The following FANCI variants were observed in gnomAD, a reference collection of about 807,000 sequenced individuals.
The protein encoded by FANCI is FA complementation group I.
A neutral mutation model predicts 176.1 loss-of-function variants in FANCI; 156 were observed. The ratio of observed to expected loss-of-function variants is 0.89; its 90% CI spans 0.78 to 1.01. FANCI has a LOEUF of 1.01. Ranked by LOEUF, FANCI falls within the 50% of genes least tolerant of loss-of-function variation. FANCI has a pLI of 0.00. For synonymous variants in FANCI, 613 were observed against 541.7 expected (o/e 1.13, Z -1.83); for missense variants, 1,678 against 1,534.1 (o/e 1.09, Z -1.57).
At chr15:89,287,314 C>G (rs141197518) in intron 18 of FANCI, among the ~76,000 whole-genome samples, 328 of 152,262 alleles carry the variant, frequency 2.2e-3, no homozygotes, top group African/African-American at 7.6e-3. Flanking sequence ...TTTCCTTAAA[C>G]CTCATGAACC....
intron 16 of FANCI, chr15:89,282,148 G>T: frequency 5.3e-6 from 2 of 376,830 alleles, no homozygotes; most frequent in Non-Finnish European, 1.0e-5. Context: ...TTCAAAGTCA[G>T]GTCTAACATC....
chr15:89,301,164 T>G (rs747099655), intron 26 of FANCI, among the ~76,000 whole-genome samples, 162 bp from the exon 27 acceptor site: 1 of 152,234 alleles, frequency 6.6e-6, no homozygotes, highest in Non-Finnish European at 1.5e-5. Flanking sequence ...CTTAGGAAAC[T>G]ACTGCTCAAT....
chr15:89,306,178 C>T lies in FANCI; in HGVS notation c.3521C>T (p.Thr1174Ile), dbSNP rs757106031. Residue 1174 changes from threonine to isoleucine, a missense_variant, in exon 32 of 38, where the codon ACA (threonine) becomes ATA (isoleucine). Transcript: ENST00000310775. The part of the protein sequence containing the change: ...KDLCKMYTTL[T>I]ALVRYYLQVC... ...TTGTGCAAAATGTACACCACACTTA[C>T]AGCCCTTGTCAGATATGTGAGTATT... 1.9e-6 allele frequency: 3 copies of T among 1,614,178 alleles called. No homozygotes were observed. The highest frequency in any genetic ancestry group is 2.5e-6 in the Non-Finnish European group (3 of 1,180,010).
intron 24 of FANCI, among the ~76,000 whole-genome samples, chr15:89,296,599 T>C (rs2054284826): frequency 1.3e-5 from 2 of 152,320 alleles, no homozygotes; most frequent in African/African-American, 4.8e-5. Flanking sequence ...TACTTCTTTC[T>C]ACATAGACAT....
chr15:89,300,394 C>T lies in FANCI; in HGVS notation c.2889+9C>T. ...AGATCCGGCAATTTCAGGTGAGAAG[C>T]CTTGCAAAGCTGCTGTACTGGCCTG... On this transcript the variant is annotated intron_variant, in intron 26 of 37. Transcript: ENST00000310775. The T allele has an allele frequency of 1.9e-6, 3 of 1,612,078 alleles. No individual in the cohort carries two copies. The highest frequency in any genetic ancestry group is 1.1e-5 in the South Asian group (1 of 91,010).
chr15:89,262,464 A>T (rs1234775298), intron 6 of FANCI, among the ~76,000 whole-genome samples: 1 of 152,188 alleles, frequency 6.6e-6, no homozygotes, highest in Non-Finnish European at 1.5e-5. Context: ...CATGACATTT[A>T]TACCTATTAA....
chr15:89,261,568 A>C lies in FANCI; in HGVS notation c.289-17A>C. 6.2e-7 allele frequency: 1 copy of C among 1,613,972 alleles called. No individual in the cohort carries two copies. The highest frequency in any genetic ancestry group is 8.5e-7 in the Non-Finnish European group (1 of 1,179,942). On this transcript the variant is annotated splice_polypyrimidine_tract_variant and intron_variant, in intron 4 of 37. Coordinates refer to ENST00000310775, the MANE Select transcript of FANCI (RefSeq NM_001113378.2). ...TGGATTTCTGCTTGAGATTTCCTTT[A>C]TCCTGTGAACTTTTAGGCTCACCAT... is the stretch of plus-strand genomic sequence containing the variant.
At chr15:89,286,830 C>T (rs2053834124) in intron 18 of FANCI, among the ~76,000 whole-genome samples, 1 of 152,156 alleles carries the variant, frequency 6.6e-6, no homozygotes, top group Admixed American at 6.5e-5. Flanking sequence ...AGGCAAGTCC[C>T]AGATAAAGTC....
intron 35 of FANCI, among the ~76,000 whole-genome samples, chr15:89,313,973 TCACACACACACACACA>T (rs139859584): frequency 1.2e-4 from 12 of 98,284 alleles, no homozygotes; most frequent in African/African-American, 2.1e-4. Flanking sequence ...AGATATATAA[TCACACACACACACACA>T]CACACACACA....
chr15:89,266,549 G>A (rs553865696), intron 9 of FANCI, among the ~76,000 whole-genome samples: 15 of 151,912 alleles, frequency 9.9e-5, no homozygotes, highest in African/African-American at 2.4e-4. Flanking sequence ...GGCTGGTCTC[G>A]AACTCCTGAC....
At chr15:89,303,256 A>G (rs2054591079) in intron 27 of FANCI, among the ~76,000 whole-genome samples, 1 of 152,222 alleles carries the variant, frequency 6.6e-6, no homozygotes. Flanking sequence ...ACTTAAGTAT[A>G]ACGGCATTTC....
chr15:89,284,603 A>G lies in FANCI; in HGVS notation c.1699-493A>G, dbSNP rs142755950. Among the ~76,000 whole-genome samples the G allele has an allele frequency of 4.8e-4, 73 of 152,306 alleles. 1 individual carries two copies. Among genetic ancestry groups the G allele is most frequent in the African/African-American group, 1.7e-3 (71 of 41,572 alleles). ...CATTACTGTGATGCCTGGAGTAAGG[A>G]TTAGGAATTCTTGGTCTATAATTGC... On this transcript the variant is annotated intron_variant, in intron 17 of 37. Coordinates refer to ENST00000310775, the MANE Select transcript of FANCI (RefSeq NM_001113378.2).
rs760202555 is a variant in FANCI, at chr15:89,305,674, C to T, written c.3325C>T (p.Gln1109Ter). ...CTGGCTAATCACCAAGCTTAAGGGA[C>T]AAGTGAGCCAAGAAACCTTATCAGG... ...VDWLITKLKG[Q>*]VSQETLSEEA... Residue 1109 changes from glutamine to a stop codon, truncating the protein, a stop_gained, in exon 31 of 38, where the codon CAA becomes TAA. Transcript: ENST00000310775. LOFTEE classifies it high-confidence loss of function. 3 of 1,614,144 alleles carry T rather than the reference C, an allele frequency of 1.9e-6. No individual in the cohort carries two copies. Among genetic ancestry groups the T allele is most frequent in the East Asian group, 2.2e-5 (1 of 44,880 alleles).
At chr15:89,255,397 A>G (rs1322656824) in intron 2 of FANCI, among the ~76,000 whole-genome samples, 1 of 152,196 alleles carries the variant, frequency 6.6e-6, no homozygotes, top group African/African-American at 2.4e-5. Context: ...TTACAGGAAG[A>G]AAATTAGATG....
chr15:89,263,745 A>C (rs566905315), intron 7 of FANCI, among the ~76,000 whole-genome samples, 158 bp from the exon 8 acceptor site: 2 of 152,250 alleles, frequency 1.3e-5, no homozygotes, highest in Non-Finnish European at 2.9e-5. Flanking sequence ...CAAAAGGGAC[A>C]GTTATAATAA....
chr15:89,264,050 C>G (rs1156235336), intron 8 of FANCI, 24 bp downstream of exon 8: 1 of 1,613,690 alleles, frequency 6.2e-7, no homozygotes, highest in Non-Finnish European at 8.5e-7. Context: ...ATTGTTTCTC[C>G]TTAGTTCTGG....
chr15:89,312,775 C>T (rs940677667), intron 34 of FANCI, 129 bp from the exon 35 acceptor site: 36 of 709,098 alleles, frequency 5.1e-5, no homozygotes, highest in Admixed American at 2.4e-4. Flanking sequence ...GTCGACATCA[C>T]GCCACTGCAC....
chr15:89,276,305 T>C (rs2053409273), intron 12 of FANCI, among the ~76,000 whole-genome samples: 1 of 152,208 alleles, frequency 6.6e-6, no homozygotes, highest in Non-Finnish European at 1.5e-5. Flanking sequence ...GGTAAAAATA[T>C]GACTATACTA....
At chr15:89,314,026 G>A (rs12905090) in intron 35 of FANCI, among the ~76,000 whole-genome samples, 110 of 60,012 alleles carry the variant, frequency 1.8e-3, no homozygotes, top group East Asian at 9.2e-3. Context: ...ACAAATTACA[G>A]TTCACGTTAG....
Sources: gnomAD v4.1 joint callset for allele counts (sites outside exome capture counted in the v4.1 genomes callset) on GRCh38, gnomAD v4.1.1 for gene constraint, MANE v1.5 for transcripts, NCBI Gene and HGNC (gene_info 2026-07-23, HGNC 2026-07-21) for gene names.